The following FAM107B variants were observed in gnomAD, a reference collection of about 807,000 sequenced individuals.
The protein encoded by FAM107B is protein FAM107B.
FAM107B carries 21 observed loss-of-function variants against 31.5 expected under a neutral mutation model. That is an observed-to-expected ratio of 0.67 (90% CI 0.47 to 0.96). The LOEUF (loss-of-function observed/expected upper bound fraction) is 0.96, where lower values mean the gene tolerates loss of function less well. Among genes scored for constraint, FAM107B ranks in the 40% least tolerant of loss-of-function variants. The pLI is 0.00. For synonymous variants in FAM107B, 157 were observed against 141.5 expected, an observed-to-expected ratio of 1.11 and a Z score of -0.78; for missense variants, 452 against 377.1, an observed-to-expected ratio of 1.20 and a Z score of -1.64.
At chr10:14,631,110 TG>T (rs1423616536) in intron 2 of FAM107B, among the ~76,000 whole-genome samples, 1 of 152,194 alleles carries the variant, frequency 6.6e-6, no homozygotes, top group Non-Finnish European at 1.5e-5. Flanking sequence ...ACCTTTCTAT[TG>T]GGATAAACAG....
At chr10:14,729,574 G>C (rs1172483497) in intron 1 of FAM107B, among the ~76,000 whole-genome samples, 1 of 152,080 alleles carries the variant, frequency 6.6e-6, no homozygotes, top group East Asian at 1.9e-4. Context: ...CATAGGATCA[G>C]GGAAGCTTCA....
chr10:14,700,507 T>C (rs1041345725), intron 1 of FAM107B, among the ~76,000 whole-genome samples: 20 of 151,854 alleles, frequency 1.3e-4, no homozygotes, highest in African/African-American at 4.6e-4. Context: ...TTAGTGACAA[T>C]ATCAGAAGAG....
chr10:14,593,475 C>T (rs961177221), intron 2 of FAM107B, among the ~76,000 whole-genome samples: 1 of 151,978 alleles, frequency 6.6e-6, no homozygotes, highest in Non-Finnish European at 1.5e-5. Flanking sequence ...GCCAGGAATT[C>T]GAGACCAGCC....
intron 1 of FAM107B, among the ~76,000 whole-genome samples, chr10:14,707,450 T>C (rs1420390222): frequency 6.6e-6 from 1 of 152,124 alleles, no homozygotes; most frequent in South Asian, 2.1e-4. Context: ...AGATCTCTAA[T>C]AGGAGCTGAG....
At chr10:14,575,501 C>A (rs1304611909) in intron 2 of FAM107B, among the ~76,000 whole-genome samples, 3 of 152,108 alleles carry the variant, frequency 2.0e-5, no homozygotes, top group African/African-American at 7.2e-5. Flanking sequence ...CTGCGCCCGG[C>A]CAAGAAGCTT....
chr10:14,652,522 G>A (rs576519516), intron 2 of FAM107B, among the ~76,000 whole-genome samples: 1 of 152,190 alleles, frequency 6.6e-6, no homozygotes, highest in Non-Finnish European at 1.5e-5. Flanking sequence ...AACTTTTAAA[G>A]CTTGAGTTTT....
intron 2 of FAM107B, among the ~76,000 whole-genome samples, chr10:14,553,012 T>C (rs775906219): frequency 6.6e-6 from 1 of 152,234 alleles, no homozygotes; most frequent in South Asian, 2.1e-4. Context: ...AACAGCAATG[T>C]ACATTGGATG....
At chr10:14,526,320 C>T (rs1474431849) in intron 3 of FAM107B, among the ~76,000 whole-genome samples, 3 of 152,110 alleles carry the variant, frequency 2.0e-5, no homozygotes, top group South Asian at 2.1e-4. Context: ...ACTACAGGCG[C>T]GTGCCACCAC....
chr10:14,561,044 C>CTA (rs1238191173), intron 2 of FAM107B, among the ~76,000 whole-genome samples: 2 of 152,320 alleles, frequency 1.3e-5, no homozygotes, highest in East Asian at 3.9e-4. Flanking sequence ...TACAACGAAA[C>CTA]CAGCCATCAT....
chr10:14,727,142 G>T (rs780084830), intron 1 of FAM107B, among the ~76,000 whole-genome samples: 16 of 152,060 alleles, frequency 1.1e-4, no homozygotes, highest in Non-Finnish European at 1.9e-4. Context: ...TGGAGCTCAG[G>T]CAGTAATGCA....
At chr10:14,627,995 A>G (rs1407448386) in intron 2 of FAM107B, among the ~76,000 whole-genome samples, 1 of 152,092 alleles carries the variant, frequency 6.6e-6, no homozygotes, top group Non-Finnish European at 1.5e-5. Flanking sequence ...CATGGTTGGT[A>G]TAAGCCACAA....
At chr10:14,595,067 A>G (rs1177922864) in intron 2 of FAM107B, among the ~76,000 whole-genome samples, 2 of 151,942 alleles carry the variant, frequency 1.3e-5, no homozygotes, top group Non-Finnish European at 2.9e-5. Flanking sequence ...AACGCTACAG[A>G]CAAGAGAAAA....
At position 14,722,061 on chromosome 10, in the gene FAM107B, T is replaced by C. The variant is rs143183250; in HGVS notation, c.411+52192A>G. On this transcript the variant is annotated intron_variant, in intron 1 of 4. Transcript: ENST00000181796. ...GAATATAAAGGAACATACTTTTTTA[T>C]GGATTTATTTTCTAAGTGTACAATT... 5.5e-3 allele frequency among the ~76,000 whole-genome samples: 844 copies of C among 152,352 alleles called. 3 individuals carry two copies. Among genetic ancestry groups the C allele is most frequent in the Non-Finnish European group, 8.6e-3 (584 of 68,026 alleles).
intron 1 of FAM107B, among the ~76,000 whole-genome samples, chr10:14,713,355 T>G (rs1250653768): frequency 6.6e-6 from 1 of 152,184 alleles, no homozygotes; most frequent in East Asian, 1.9e-4. Flanking sequence ...AGACACAAAG[T>G]TCCCTGTAAC....
At chr10:14,533,819 T>G (rs1387477068) in intron 2 of FAM107B, among the ~76,000 whole-genome samples, 1 of 152,186 alleles carries the variant, frequency 6.6e-6, no homozygotes, top group Non-Finnish European at 1.5e-5. Flanking sequence ...CTGACTTCTC[T>G]TTAGATTTAG....
At chr10:14,755,852 T>TC (rs1451664617) in intron 1 of FAM107B, among the ~76,000 whole-genome samples, 4 of 152,150 alleles carry the variant, frequency 2.6e-5, no homozygotes, top group Admixed American at 6.5e-5. Context: ...CCCCAAATTT[T>TC]CAGAAGAGTA....
At chr10:14,649,119 C>G (rs1853836983) in intron 2 of FAM107B, among the ~76,000 whole-genome samples, 2 of 152,178 alleles carry the variant, frequency 1.3e-5, no homozygotes, top group African/African-American at 4.8e-5. Context: ...AATGCATGAT[C>G]AGACATGCCT....
intron 1 of FAM107B, among the ~76,000 whole-genome samples, chr10:14,708,555 G>T (rs148598892): frequency 6.6e-6 from 1 of 152,214 alleles, no homozygotes; most frequent in East Asian, 1.9e-4. Flanking sequence ...TGAATGTGCA[G>T]CCAGGCCATA....
chr10:14,632,584 C>T (rs1853393418), intron 2 of FAM107B, among the ~76,000 whole-genome samples: 2 of 146,638 alleles, frequency 1.4e-5, no homozygotes, highest in Admixed American at 1.4e-4. Flanking sequence ...GCACTCCAGC[C>T]TGGGCAACAA....
Sources: gnomAD v4.1 joint callset for allele counts (sites outside exome capture counted in the v4.1 genomes callset) on GRCh38, gnomAD v4.1.1 for gene constraint, MANE v1.5 for transcripts, NCBI Gene and HGNC (gene_info 2026-07-23, HGNC 2026-07-21) for gene names.